The following DNAH6 variants were observed in gnomAD, a reference collection of about 807,000 sequenced individuals.
DNAH6 encodes dynein axonemal heavy chain 6.
DNAH6 carries 340 observed loss-of-function variants against 491.4 expected under a neutral mutation model. The ratio of observed to expected loss-of-function variants is 0.69; its 90% CI spans 0.63 to 0.76. DNAH6 has a LOEUF of 0.76. DNAH6 is among the 30% of genes least tolerant of loss of function. DNAH6 has a pLI of 0.00. For synonymous variants in DNAH6, 1,603 were observed against 1,686.1 expected, an observed-to-expected ratio of 0.95 and a Z score of 1.21; for missense variants, 4,443 against 4,972.2, an observed-to-expected ratio of 0.89 and a Z score of 3.20.
At chr2:84,555,373 A>T (rs1679914876) in intron 10 of DNAH6, among the ~76,000 whole-genome samples, 2 of 152,052 alleles carry the variant, frequency 1.3e-5, no homozygotes, top group Non-Finnish European at 2.9e-5. Context: ...GGTTTAATTG[A>T]AATAGACTCC....
chr2:84,599,250 GA>G (rs1684991238), intron 18 of DNAH6, among the ~76,000 whole-genome samples: 2 of 151,764 alleles, frequency 1.3e-5, no homozygotes, highest in Non-Finnish European at 2.9e-5. Flanking sequence ...TATGTAACTT[GA>G]AAATATTTTC....
chr2:84,701,280 C>G lies in DNAH6; in HGVS notation c.8002C>G (p.Leu2668Val). The G allele has an allele frequency of 2.6e-6, 4 of 1,551,896 alleles. No homozygotes were observed. In the South Asian group the frequency reaches 3.6e-5, roughly 14 times the overall value. ...GTACTACACGACACCCACCTCCTAC[C>G]TGGAGCTTATCAATCTTTACCTGTC... Reference protein sequence around the residue: ...RRYYTTPTSYLELINLYLSML... With the variant: ...RRYYTTPTSYVELINLYLSML... The change falls in exon 49 of 77, where the codon CTG becomes GTG. Residue 2668 changes from leucine to valine, a missense_variant. By Grantham distance (32) the Leu-to-Val change is conservative. This residue lies in a region of DNAH6 where 2,977 missense variants were observed against 3,296.6 expected (regional missense o/e 0.90). Coordinates refer to ENST00000389394, the MANE Select transcript of DNAH6 (RefSeq NM_001370.2).
chr2:84,811,017 A>T (rs953810632), intron 72 of DNAH6, among the ~76,000 whole-genome samples: 1 of 152,134 alleles, frequency 6.6e-6, no homozygotes, highest in Non-Finnish European at 1.5e-5. Flanking sequence ...TTCCAGGTCT[A>T]TCATGGAGGA....
chr2:84,611,614 G>A, intron 21 of DNAH6, 60 bp from the exon 22 acceptor site: 3 of 1,395,292 alleles, frequency 2.2e-6, no homozygotes, highest in South Asian at 2.6e-5. Flanking sequence ...GATTTTTACT[G>A]TAACCATATG....
At chr2:84,808,127 ATATATG>A (rs944045621) in intron 71 of DNAH6, among the ~76,000 whole-genome samples, 3 of 120,776 alleles carry the variant, frequency 2.5e-5, no homozygotes, top group Admixed American at 8.1e-5. Flanking sequence ...AAAAGTGTAT[ATATATG>A]TGTGTGTGTG....
chr2:84,604,196 G>T, intron 18 of DNAH6, 143 bp from the exon 19 acceptor site: 5 of 645,208 alleles, frequency 7.7e-6, no homozygotes, highest in Middle Eastern at 4.0e-4. Context: ...TCATTAATTT[G>T]CAGTCATCCA....
intron 26 of DNAH6, 56 bp from the exon 27 acceptor site, chr2:84,624,209 G>A (rs1404819840): frequency 1.4e-6 from 2 of 1,435,962 alleles, no homozygotes; most frequent in African/African-American, 2.9e-5. Context: ...AAGAGATAAT[G>A]TATATATGTA....
chr2:84,472,714 A>G, the DNAH6 span, among the ~76,000 whole-genome samples: 93 of 152,354 alleles, frequency 6.1e-4, no homozygotes, highest in Admixed American at 2.5e-3. Context: ...ATGTTTGTGC[A>G]TCAGCAAAAG....
chr2:84,508,043 C>G, the DNAH6 span, among the ~76,000 whole-genome samples: 1 of 152,140 alleles, frequency 6.6e-6, no homozygotes, highest in East Asian at 1.9e-4. Flanking sequence ...TTGGTTGTGT[C>G]TCTGCCAGGC....
intron 22 of DNAH6, among the ~76,000 whole-genome samples, chr2:84,613,916 T>C (rs1686575167): frequency 1.3e-5 from 2 of 152,162 alleles, no homozygotes; most frequent in African/African-American, 4.8e-5. Flanking sequence ...TTTTAAAATC[T>C]TAACAGTATA....
rs1677014484 is a variant in DNAH6 at position 84,784,726 on chromosome 2, T to C, written c.10869T>C (p.Ser3623=). 5 of 1,545,042 alleles carry C rather than the reference T, an allele frequency of 3.2e-6. No homozygotes were observed. Among genetic ancestry groups the C allele is most frequent in the Non-Finnish European group, 4.4e-6 (5 of 1,141,264 alleles). Residue 3623 remains serine (S), a synonymous_variant, in exon 66 of 77, where the codon AGT becomes AGC. Coordinates refer to ENST00000389394, the MANE Select transcript of DNAH6 (RefSeq NM_001370.2). Reference sequence around the variant, plus strand: ...TTTTATCTTTGTTTTAAGCAGATAGTGCTATCAAGGACACTTTTCGACTTT... The same window carrying C: ...TTTTATCTTTGTTTTAAGCAGATAGCGCTATCAAGGACACTTTTCGACTTT... ...ELIKTFTDPD[S]AIKDTFRLFL...
chr2:84,471,554 T>C, the DNAH6 span, among the ~76,000 whole-genome samples: 2 of 152,310 alleles, frequency 1.3e-5, no homozygotes, highest in African/African-American at 4.8e-5. Context: ...AAAGCATTGG[T>C]CCATTAAGCA....
chr2:84,764,126 T>G (rs1674850167), intron 64 of DNAH6, among the ~76,000 whole-genome samples: 1 of 152,172 alleles, frequency 6.6e-6, no homozygotes, highest in East Asian at 1.9e-4. Flanking sequence ...CCCTTACAGA[T>G]ATATCCAGAA....
At chr2:84,662,069 C>T (rs1464269634) in intron 37 of DNAH6, among the ~76,000 whole-genome samples, 1 of 151,652 alleles carries the variant, frequency 6.6e-6, no homozygotes, top group East Asian at 1.9e-4. Flanking sequence ...AAAATGGACT[C>T]TTAAAATTTG....
chr2:84,774,129 T>A (rs1675898030), intron 64 of DNAH6, among the ~76,000 whole-genome samples: 2 of 152,008 alleles, frequency 1.3e-5, no homozygotes, highest in Non-Finnish European at 2.9e-5. Flanking sequence ...TAATCATAAA[T>A]TCTTTTCCAA....
At chr2:84,492,307 G>A in the DNAH6 span, among the ~76,000 whole-genome samples, 81 of 152,252 alleles carry the variant, frequency 5.3e-4, 1 homozygote, top group Middle Eastern at 0.01. Flanking sequence ...ACTCATTCCA[G>A]AGAATAAATT....
chr2:84,786,424 C>CAAAAAA (rs34307388), intron 67 of DNAH6, among the ~76,000 whole-genome samples: 9 of 88,752 alleles, frequency 1.0e-4, no homozygotes, highest in South Asian at 4.1e-4. Flanking sequence ...GACTCTGTCT[C>CAAAAAA]AAAAAAAAAA....
At chr2:84,516,304 G>A, upstream of DNAH6, among the ~76,000 whole-genome samples, 1 of 152,180 alleles carries the variant, frequency 6.6e-6, no homozygotes, top group African/African-American at 2.4e-5. Context: ...CCAGCGCAGA[G>A]GAGGAACCAG....
chr2:84,797,164 A>C (rs993989073), intron 69 of DNAH6, among the ~76,000 whole-genome samples: 12 of 152,228 alleles, frequency 7.9e-5, no homozygotes, highest in African/African-American at 2.9e-4. Flanking sequence ...GTTGTTTATC[A>C]AACAAATATA....
Sources: allele counts gnomAD v4.1 joint callset (sites outside exome capture counted in the v4.1 genomes callset), GRCh38; gene constraint gnomAD v4.1.1; regional missense constraint gnomAD v4.1.1; transcripts MANE v1.5; gene names NCBI Gene and HGNC (gene_info 2026-07-23, HGNC 2026-07-21).